GRM3: variants seen among roughly 807,000 people sequenced by gnomAD.
GRM3 encodes the protein glutamate metabotropic receptor 3.
A neutral mutation model predicts 70.5 loss-of-function variants in GRM3; 26 were observed. That is an observed-to-expected ratio of 0.37 (90% CI 0.27 to 0.51). The LOEUF is 0.51. Among genes scored for constraint, GRM3 ranks in the 20% least tolerant of loss-of-function variants. The probability of loss-of-function intolerance (pLI) is 0.93; values close to 1 mark genes in which losing one functional copy is unlikely to be tolerated. For synonymous variants in GRM3, 443 were observed against 434.9 expected, an observed-to-expected ratio of 1.02 and a Z score of -0.23; for missense variants, 859 against 1,123.8, an observed-to-expected ratio of 0.76 and a Z score of 3.37.
At chr7:86,833,099 C>G (rs2116719914) in intron 3 of GRM3, 1 of 980,750 alleles carries the variant, frequency 1.0e-6, no homozygotes, top group African/African-American at 1.7e-5. Context: ...ATGCTTACTC[C>G]CATGGTGAGA....
At chr7:86,833,068 T>C (rs770839500) in intron 3 of GRM3, 26 of 977,312 alleles carry the variant, frequency 2.7e-5, no homozygotes, top group Non-Finnish European at 2.9e-5. Context: ...GGTGAAGTGA[T>C]GTATTTTTCC....
chr7:86,756,741 T>C (rs1037363679), intron 1 of GRM3, among the ~76,000 whole-genome samples: 16 of 152,282 alleles, frequency 1.1e-4, no homozygotes, highest in Admixed American at 7.2e-4. Context: ...TGTAATCTTA[T>C]GTTTATCATC....
At chr7:86,783,485 T>C (rs1328884004) in intron 2 of GRM3, among the ~76,000 whole-genome samples, 3 of 151,452 alleles carry the variant, frequency 2.0e-5, no homozygotes, top group Non-Finnish European at 4.4e-5. Context: ...TAAAAAGTTA[T>C]TGTGACTATC....
At chr7:86,823,582 ATTTTTTTTT>A (rs35792615) in intron 3 of GRM3, among the ~76,000 whole-genome samples, 1 of 43,124 alleles carries the variant, frequency 2.3e-5, no homozygotes, top group African/African-American at 1.0e-4. Context: ...TGTGTGAGGT[ATTTTTTTTT>A]TTTTTTTTTT....
At chr7:86,748,149 T>C (rs1796149373) in intron 1 of GRM3, among the ~76,000 whole-genome samples, 1 of 152,040 alleles carries the variant, frequency 6.6e-6, no homozygotes, top group African/African-American at 2.4e-5. Context: ...TTTTAATCTT[T>C]CACCTTTTCA....
intron 5 of GRM3, among the ~76,000 whole-genome samples, chr7:86,852,605 T>C (rs1039238628): frequency 1.3e-5 from 2 of 152,148 alleles, no homozygotes; most frequent in Non-Finnish European, 2.9e-5. Context: ...AATAAACTTT[T>C]TTTTAAAAAA....
intron 3 of GRM3, among the ~76,000 whole-genome samples, chr7:86,795,493 A>G (rs1359902591): frequency 6.6e-6 from 1 of 151,642 alleles, no homozygotes; most frequent in Non-Finnish European, 1.5e-5. Context: ...GTGTGTTCTC[A>G]TTGTTCAGCT....
intron 3 of GRM3, among the ~76,000 whole-genome samples, chr7:86,824,069 A>T (rs1253691131): frequency 1.3e-5 from 2 of 152,160 alleles, no homozygotes; most frequent in African/African-American, 4.8e-5. Context: ...AAGACGACCA[A>T]GGCCAGTTCT....
At chr7:86,842,922 C>G (rs916280828) in intron 4 of GRM3, among the ~76,000 whole-genome samples, 1 of 152,142 alleles carries the variant, frequency 6.6e-6, no homozygotes, top group African/African-American at 2.4e-5. Flanking sequence ...GTAACCTTGG[C>G]AGGCAAATGC....
chr7:86,784,770 T>C (rs1797180144), intron 2 of GRM3: 1 of 152,242 alleles, frequency 6.6e-6, no homozygotes, highest in South Asian at 2.1e-4. Context: ...GGGGTTTTAA[T>C]TTTGCATTAT....
chr7:86,707,929 G>T (rs775281688), intron 1 of GRM3, among the ~76,000 whole-genome samples: 2 of 151,988 alleles, frequency 1.3e-5, no homozygotes, highest in African/African-American at 2.4e-5. Flanking sequence ...TTTTCATTAA[G>T]AACCCTATGA....
chr7:86,759,840 C>T (rs1020920409), intron 1 of GRM3, among the ~76,000 whole-genome samples: 1 of 152,092 alleles, frequency 6.6e-6, no homozygotes, highest in Admixed American at 6.6e-5. Context: ...GGGAAAAATA[C>T]CCTTTTTCTC....
chr7:86,837,073 G>A (rs1798470619), intron 3 of GRM3, among the ~76,000 whole-genome samples: 1 of 152,286 alleles, frequency 6.6e-6, no homozygotes, highest in Non-Finnish European at 1.5e-5. Context: ...ATTGTAGGGT[G>A]AGATAACAAG....
At chr7:86,651,282 T>C (rs1793599361) in intron 1 of GRM3, among the ~76,000 whole-genome samples, 1 of 152,180 alleles carries the variant, frequency 6.6e-6, no homozygotes, top group African/African-American at 2.4e-5. Flanking sequence ...CTAGAGTAAT[T>C]AATGGACATA....
At chr7:86,751,357 G>A (rs1796226567) in intron 1 of GRM3, among the ~76,000 whole-genome samples, 1 of 152,034 alleles carries the variant, frequency 6.6e-6, no homozygotes, top group South Asian at 2.1e-4. Context: ...GCTGTTAATT[G>A]TTATCAGAGT....
intron 1 of GRM3, among the ~76,000 whole-genome samples, chr7:86,762,530 AG>A (rs1205080444): frequency 6.6e-6 from 1 of 152,158 alleles, no homozygotes; most frequent in East Asian, 1.9e-4. Flanking sequence ...TGTTTCATTG[AG>A]TTTTTTTCTT....
At position 86,649,235 on chromosome 7, in the gene GRM3, T is replaced by C. The variant is rs186484849; in HGVS notation, c.-141+4363T>C. ...TGAGCACCCTCCAAATGATTTTCCT[T>C]AGAAACAAAAGGAAAATCAATTTTC... On this transcript the variant is annotated intron_variant, in intron 1 of 5. Coordinates refer to ENST00000361669, the MANE Select transcript of GRM3 (RefSeq NM_000840.3). 2.8e-3 allele frequency among the ~76,000 whole-genome samples: 428 copies of C among 152,246 alleles called. 1 individual carries two copies. Among genetic ancestry groups the C allele is most frequent in the Non-Finnish European group, 2.5e-3 (172 of 67,984 alleles).
chr7:86,821,483 A>G (rs1271717602), intron 3 of GRM3, among the ~76,000 whole-genome samples: 2 of 152,170 alleles, frequency 1.3e-5, no homozygotes, highest in Admixed American at 6.5e-5. Context: ...CACTTTCTAC[A>G]TATTAGACAC....
chr7:86,654,936 T>C (rs1266999559), intron 1 of GRM3, among the ~76,000 whole-genome samples: 1 of 152,026 alleles, frequency 6.6e-6, no homozygotes, highest in Non-Finnish European at 1.5e-5. Flanking sequence ...GTGAAGAAAA[T>C]AGAATGAGGG....
Sources: allele counts gnomAD v4.1 joint callset (sites outside exome capture counted in the v4.1 genomes callset), GRCh38; gene constraint gnomAD v4.1.1; transcripts MANE v1.5; gene names NCBI Gene and HGNC (gene_info 2026-07-23, HGNC 2026-07-21).